The following PACSIN1 variants were observed in gnomAD, a reference collection of about 807,000 sequenced individuals.
The protein encoded by PACSIN1 is protein kinase C and casein kinase substrate in neurons protein 1.
PACSIN1 carries 15 observed loss-of-function variants against 59.5 expected under a neutral mutation model. That is an observed-to-expected ratio of 0.25 (90% CI 0.17 to 0.39). The LOEUF (loss-of-function observed/expected upper bound fraction) is 0.39, where lower values mean the gene tolerates loss of function less well. Among genes scored for constraint, PACSIN1 ranks in the 10% least tolerant of loss-of-function variants. PACSIN1 has a pLI of 1.00. For missense variants in PACSIN1, 420 were observed against 580.2 expected (o/e 0.72, Z 2.84); for synonymous variants, 210 against 220.6 (o/e 0.95, Z 0.42).
At chr6:34,513,610 T>G (rs1286651290) in intron 1 of PACSIN1, among the ~76,000 whole-genome samples, 1 of 152,018 alleles carries the variant, frequency 6.6e-6, no homozygotes, top group African/African-American at 2.4e-5. Context: ...GGAGAGTCAT[T>G]TTACTGTGCC....
chr6:34,515,462 C>T lies in PACSIN1; in HGVS notation c.-63-10781C>T, dbSNP rs1767275703. On this transcript the variant is annotated intron_variant, in intron 1 of 9. Transcript: ENST00000244458. The surrounding 1 kb of genome is among the most constrained non-coding windows in gnomAD (Gnocchi z 4.4). ...CAGGGAGGAGTAAGGATGCCCCTGC[C>T]CCACTCAAGGCACTGCTAGGCTCTG... Among the ~76,000 whole-genome samples, 2 of 152,228 alleles carry T rather than the reference C, an allele frequency of 1.3e-5. No individual in the cohort carries two copies. The highest frequency in any genetic ancestry group is 4.1e-4 in the South Asian group (2 of 4,822).
intron 1 of PACSIN1, among the ~76,000 whole-genome samples, chr6:34,471,005 C>T (rs924122969): frequency 1.3e-5 from 2 of 151,966 alleles, no homozygotes; most frequent in African/African-American, 4.8e-5. Flanking sequence ...GAGTGCAAGG[C>T]TGCGATCTAG....
At chr6:34,467,951 T>C (rs1766520944) in intron 1 of PACSIN1, among the ~76,000 whole-genome samples, 1 of 152,094 alleles carries the variant, frequency 6.6e-6, no homozygotes, top group Admixed American at 6.5e-5. Flanking sequence ...GGGCCCCTGG[T>C]TTGAGTGTCC....
chr6:34,517,864 A>T (rs1478748498), intron 1 of PACSIN1, among the ~76,000 whole-genome samples: 1 of 151,954 alleles, frequency 6.6e-6, no homozygotes, highest in Non-Finnish European at 1.5e-5. Flanking sequence ...CCCACAAGGG[A>T]GGGGGTTTTC....
intron 1 of PACSIN1, among the ~76,000 whole-genome samples, chr6:34,520,869 G>C (rs1767379877): frequency 6.6e-6 from 1 of 152,190 alleles, no homozygotes; most frequent in South Asian, 2.1e-4. Context: ...ACCCCCTCCT[G>C]GCTCCTGGCT....
At chr6:34,519,538 C>G (rs1767351844) in intron 1 of PACSIN1, among the ~76,000 whole-genome samples, 1 of 152,086 alleles carries the variant, frequency 6.6e-6, no homozygotes. Flanking sequence ...TGGAAGGGCT[C>G]TGGGGGTATT....
At position 34,531,557 on chromosome 6, in the gene PACSIN1, G is replaced by A; in HGVS notation, c.1038-43G>A. 1 of 1,599,744 alleles carries A rather than the reference G, an allele frequency of 6.3e-7. No homozygotes were observed. The highest frequency in any genetic ancestry group is 2.2e-5 in the East Asian group (1 of 44,688). Reference sequence around the variant, plus strand: ...AGGAGCGGTTAGCCCTCGGGATGCGGTACGGGGAGACATTGAAGCTGGCTC... The same window carrying A: ...AGGAGCGGTTAGCCCTCGGGATGCGATACGGGGAGACATTGAAGCTGGCTC... On this transcript the variant is annotated intron_variant, in intron 8 of 9. Transcript: ENST00000244458. The surrounding 1 kb of genome is among the most constrained non-coding windows in gnomAD (Gnocchi z 4.4).
At chr6:34,478,844 A>ATT (rs1371786229) in intron 1 of PACSIN1, among the ~76,000 whole-genome samples, 147 of 152,298 alleles carry the variant, frequency 9.7e-4, no homozygotes, top group African/African-American at 3.3e-3. Context: ...TAAAAGGACA[A>ATT]GGAGCTTATT....
At chr6:34,513,789 G>C (rs751705015) in intron 1 of PACSIN1, among the ~76,000 whole-genome samples, 1 of 152,128 alleles carries the variant, frequency 6.6e-6, no homozygotes, top group African/African-American at 2.4e-5. Context: ...GCAGAGCTGA[G>C]ACACTGCTGA....
chr6:34,516,816 C>T lies in PACSIN1; in HGVS notation c.-63-9427C>T, dbSNP rs1286715389. Among the ~76,000 whole-genome samples the T allele has an allele frequency of 6.6e-6, 1 of 152,234 alleles. No individual in the cohort carries two copies. The highest frequency in any genetic ancestry group is 2.4e-5 in the African/African-American group (1 of 41,468). On this transcript the variant is annotated intron_variant, in intron 1 of 9. Coordinates refer to ENST00000244458, the MANE Select transcript of PACSIN1 (RefSeq NM_020804.5). The surrounding 1 kb of genome is among the most constrained non-coding windows in gnomAD (Gnocchi z 5.4). The stretch of plus-strand genomic sequence containing the variant: ...CACAACGTGCCCACAGCCCAGGGCA[C>T]CTGCCTGGAAGCCGGATTGAGACTT...
At chr6:34,501,537 G>A (rs1383841269) in intron 1 of PACSIN1, among the ~76,000 whole-genome samples, 10 of 152,224 alleles carry the variant, frequency 6.6e-5, no homozygotes, top group Non-Finnish European at 1.5e-5. Context: ...GTCCCAATGT[G>A]TGCATGTCTG....
intron 1 of PACSIN1, among the ~76,000 whole-genome samples, chr6:34,483,372 G>T (rs182017856): frequency 2.0e-5 from 3 of 152,264 alleles, no homozygotes; most frequent in African/African-American, 7.2e-5. Context: ...TCTGGACAAA[G>T]GACCTTGGGA....
At chr6:34,470,426 G>A (rs529222715) in intron 1 of PACSIN1, among the ~76,000 whole-genome samples, 17 of 152,126 alleles carry the variant, frequency 1.1e-4, no homozygotes, top group South Asian at 2.1e-4. Context: ...TGATCCACCC[G>A]CCTCGGCCTC....
At chr6:34,503,367 A>G (rs572384872) in intron 1 of PACSIN1, among the ~76,000 whole-genome samples, 44 of 152,322 alleles carry the variant, frequency 2.9e-4, no homozygotes, top group Admixed American at 4.6e-4. Context: ...TCATACTCCA[A>G]TGCTTTGTGT....
chr6:34,483,679 C>A (rs1178195231), intron 1 of PACSIN1, among the ~76,000 whole-genome samples: 12 of 109,320 alleles, frequency 1.1e-4, no homozygotes, highest in Non-Finnish European at 6.8e-5. Context: ...GAGCTTCACT[C>A]TTGTTGCCCA....
intron 1 of PACSIN1, among the ~76,000 whole-genome samples, chr6:34,501,734 T>TA (rs1373863817): frequency 6.6e-6 from 1 of 152,054 alleles, no homozygotes; most frequent in Non-Finnish European, 1.5e-5. Flanking sequence ...GGTAGGTTAT[T>TA]AAAAAATGCT....
chr6:34,532,352 C>T lies in PACSIN1; in HGVS notation c.1226-69C>T. 1 of 1,072,540 alleles carries T rather than the reference C, an allele frequency of 9.3e-7. No homozygotes were observed. Among genetic ancestry groups the T allele is most frequent in the Non-Finnish European group, 1.4e-6 (1 of 715,752 alleles). The allele number at this position is 1,072,540 out of a possible 1,614,324, so 66.4% of individuals were successfully genotyped here. On this transcript the variant is annotated intron_variant, in intron 9 of 9. Coordinates refer to ENST00000244458, the MANE Select transcript of PACSIN1 (RefSeq NM_020804.5). This position sits in a 1 kb window ranked among gnomAD's most constrained non-coding sequence, Gnocchi z 5.2. The stretch of plus-strand genomic sequence containing the variant: ...CAGGAGGTGGGTATTGGAGGGTTCC[C>T]CTAGCAGCCGGTGCGTTGAGGGAGG...
chr6:34,519,476 C>G (rs1767350640), intron 1 of PACSIN1, among the ~76,000 whole-genome samples: 1 of 152,110 alleles, frequency 6.6e-6, no homozygotes, highest in Non-Finnish European at 1.5e-5. Flanking sequence ...TGAGATCTTC[C>G]TTTCATGGGG....
chr6:34,507,993 T>C (rs140301561), intron 1 of PACSIN1, among the ~76,000 whole-genome samples: 19 of 152,382 alleles, frequency 1.2e-4, no homozygotes, highest in African/African-American at 4.6e-4. Context: ...TAACTGTGAA[T>C]AATGCTGCGA....
Sources: allele counts gnomAD v4.1 joint callset (sites outside exome capture counted in the v4.1 genomes callset), GRCh38; gene constraint gnomAD v4.1.1; non-coding constraint Gnocchi (gnomAD v3.1); transcripts MANE v1.5; gene names NCBI Gene and HGNC (gene_info 2026-07-23, HGNC 2026-07-21).